Variants in TPD52L1 observed in about 807,000 individuals in gnomAD.
TPD52L1 encodes the protein TPD52 like 1, also known as tumor protein D53.
Under a neutral mutation model 28.7 loss-of-function variants are expected in TPD52L1, and 18 were observed. The ratio of observed to expected loss-of-function variants is 0.63; its 90% CI spans 0.43 to 0.93. The LOEUF (loss-of-function observed/expected upper bound fraction) is 0.93, where lower values mean the gene tolerates loss of function less well. Among genes scored for constraint, TPD52L1 ranks in the 40% least tolerant of loss-of-function variants. The pLI, the probability that TPD52L1 is intolerant of heterozygous loss-of-function variation, is 0.00. For missense variants in TPD52L1, 203 were observed against 254.8 expected, an observed-to-expected ratio of 0.80 and a Z score of 1.39; for synonymous variants, 75 against 88.8, an observed-to-expected ratio of 0.84 and a Z score of 0.88.
At chr6:125,204,489 A>T (rs504333) in intron 1 of TPD52L1, among the ~76,000 whole-genome samples, 22,326 of 150,048 alleles carry the variant, frequency 0.15, 1,999 homozygotes, top group East Asian at 0.27. Flanking sequence ...TTTTATTTTT[A>T]TTTTTTTTTC....
chr6:125,222,625 C>G (rs1174084596), intron 2 of TPD52L1, among the ~76,000 whole-genome samples: 1 of 152,184 alleles, frequency 6.6e-6, no homozygotes, highest in East Asian at 1.9e-4. Flanking sequence ...GCTGTTGGGA[C>G]TTTAAATTAT....
At chr6:125,158,332 G>C (rs1790275102) in intron 1 of TPD52L1, among the ~76,000 whole-genome samples, 1 of 152,060 alleles carries the variant, frequency 6.6e-6, no homozygotes, top group Non-Finnish European at 1.5e-5. Context: ...CCTACTGTTT[G>C]CAAAGTCCTT....
intron 1 of TPD52L1, among the ~76,000 whole-genome samples, chr6:125,162,030 T>C (rs922049649): frequency 1.3e-5 from 2 of 152,240 alleles, no homozygotes; most frequent in African/African-American, 4.8e-5. Context: ...TTATGTTTCA[T>C]ATTTAAAATT....
In TPD52L1 at chr6:125,160,123, A is replaced by G. The variant is rs1317333306; in HGVS notation, c.19+6153A>G. 4.6e-5 allele frequency among the ~76,000 whole-genome samples: 7 copies of G among 152,104 alleles called. No homozygotes were observed. In the East Asian group the frequency reaches 1.4e-3, roughly 29 times the overall value. On this transcript the variant is annotated intron_variant, in intron 1 of 6. Transcript: ENST00000534000. The stretch of plus-strand genomic sequence containing the variant: ...GAGTCCATTAAACCTCTTTTTCTTT[A>G]CAAATTTCCTAGTCTCGGGTATGTC...
chr6:125,201,920 T>C (rs1324407974), intron 1 of TPD52L1, among the ~76,000 whole-genome samples: 1 of 152,220 alleles, frequency 6.6e-6, no homozygotes, highest in East Asian at 1.9e-4. Context: ...TTGTCAGTAG[T>C]AGCTATTTGG....
intron 1 of TPD52L1, among the ~76,000 whole-genome samples, chr6:125,172,546 AT>A (rs1439685099): frequency 2.0e-5 from 2 of 99,988 alleles, no homozygotes; most frequent in Admixed American, 1.2e-4. Context: ...ATATATATAT[AT>A]ATATAATATA....
At chr6:125,251,354 A>G (rs1025031609) in intron 4 of TPD52L1, among the ~76,000 whole-genome samples, 1 of 146,578 alleles carries the variant, frequency 6.8e-6, no homozygotes, top group Non-Finnish European at 1.5e-5. Flanking sequence ...CAAAATTCAG[A>G]TAGCTTGGAA....
chr6:125,172,603 A>C (rs1201108234), intron 1 of TPD52L1, among the ~76,000 whole-genome samples: 2 of 123,486 alleles, frequency 1.6e-5, no homozygotes, highest in Non-Finnish European at 3.2e-5. Flanking sequence ...AATTATATAT[A>C]TAAATATATA....
chr6:125,209,707 C>T lies in TPD52L1; in HGVS notation c.20-10371C>T, dbSNP rs534573560. Among the ~76,000 whole-genome samples the T allele has an allele frequency of 2.6e-5, 4 of 152,226 alleles. No individual in the cohort carries two copies. The South Asian group carries it at 8.3e-4, about 32-fold the overall frequency. Reference sequence around the variant, plus strand: ...GTGGCCTGTTCACTAGTGCCCCACACCTGGCTCTCTTCAGAGTGAAGGGGG... The same window carrying T: ...GTGGCCTGTTCACTAGTGCCCCACATCTGGCTCTCTTCAGAGTGAAGGGGG... On this transcript the variant is annotated intron_variant, in intron 1 of 6. Transcript: ENST00000534000.
At chr6:125,216,525 GTGTGTATA>G (rs1171378315) in intron 1 of TPD52L1, among the ~76,000 whole-genome samples, 3,464 of 104,730 alleles carry the variant, frequency 0.033, 88 homozygotes, top group East Asian at 0.11. Context: ...TTCAGTATGT[GTGTGTATA>G]TATATATATA....
rs1329690163 is a variant in TPD52L1 at position 125,254,575 on chromosome 6, C to G, written c.425+820C>G. ...AGATGAAGCCTTTGGGATCTTCCCC[C>G]ACTTCAGTCAGAGCTATGCCTCTTC... On this transcript the variant is annotated intron_variant, in intron 5 of 6. Coordinates refer to ENST00000534000, the MANE Select transcript of TPD52L1 (RefSeq NM_003287.4). Among the ~76,000 whole-genome samples the G allele has an allele frequency of 3.3e-5, 5 of 152,210 alleles. No homozygotes were observed. The East Asian group carries it at 7.7e-4, about 24-fold the overall frequency.
chr6:125,258,441 A>G (rs1391997490), intron 6 of TPD52L1, among the ~76,000 whole-genome samples: 2 of 152,170 alleles, frequency 1.3e-5, no homozygotes, highest in Non-Finnish European at 1.5e-5. Flanking sequence ...TTGCTAGAAG[A>G]TCAAAATGAA....
At chr6:125,174,289 GT>G (rs1160426164) in intron 1 of TPD52L1, among the ~76,000 whole-genome samples, 3 of 152,162 alleles carry the variant, frequency 2.0e-5, no homozygotes, top group African/African-American at 7.2e-5. Context: ...TCCTTTGTGA[GT>G]TTACCACCCT....
intron 1 of TPD52L1, among the ~76,000 whole-genome samples, chr6:125,164,213 C>T (rs562021657): frequency 2.7e-4 from 41 of 152,202 alleles, no homozygotes; most frequent in Non-Finnish European, 4.4e-4. Flanking sequence ...AGGCTTTAAA[C>T]GGGCAGAATT....
At chr6:125,226,112 T>C (rs1262750483) in intron 2 of TPD52L1, among the ~76,000 whole-genome samples, 1 of 152,222 alleles carries the variant, frequency 6.6e-6, no homozygotes, top group Non-Finnish European at 1.5e-5. Flanking sequence ...TGTCTGTCTT[T>C]CCAACTTTTG....
intron 1 of TPD52L1, among the ~76,000 whole-genome samples, chr6:125,216,127 T>C (rs1275062993): frequency 1.3e-5 from 2 of 152,164 alleles, no homozygotes; most frequent in Admixed American, 1.3e-4. Flanking sequence ...TCCTAGAGCA[T>C]TGACTAAAAT....
chr6:125,163,165 A>G (rs557980912), intron 1 of TPD52L1, among the ~76,000 whole-genome samples: 3 of 152,376 alleles, frequency 2.0e-5, no homozygotes, highest in East Asian at 3.9e-4. Flanking sequence ...TAATGAGAGG[A>G]CATATTTCCA....
At chr6:125,199,780 A>T (rs1793686405) in intron 1 of TPD52L1, among the ~76,000 whole-genome samples, 6 of 152,268 alleles carry the variant, frequency 3.9e-5, no homozygotes, top group Admixed American at 3.9e-4. Context: ...TATAGCACAA[A>T]TTATAGGAAA....
At chr6:125,228,570 G>A (rs1795758151) in intron 2 of TPD52L1, among the ~76,000 whole-genome samples, 1 of 152,190 alleles carries the variant, frequency 6.6e-6, no homozygotes, top group African/African-American at 2.4e-5. Context: ...ACCAGGCGTG[G>A]TGGCTCACGT....
Sources: gnomAD v4.1 joint callset for allele counts (sites outside exome capture counted in the v4.1 genomes callset) on GRCh38, gnomAD v4.1.1 for gene constraint, MANE v1.5 for transcripts, NCBI Gene and HGNC (gene_info 2026-07-23, HGNC 2026-07-21) for gene names.